Variants in RBMS3 observed in about 807,000 individuals in gnomAD.
RBMS3 encodes RNA-binding motif, single-stranded-interacting protein 3.
In RBMS3, 27 loss-of-function variants were observed where a neutral mutation model predicts 66.8. The observed-to-expected ratio is 0.40, with a 90% CI of 0.30 to 0.56. The LOEUF (loss-of-function observed/expected upper bound fraction) is 0.56. RBMS3 is among the 20% of genes least tolerant of loss of function. RBMS3 has a pLI of 0.40. For missense variants in RBMS3, 513 were observed against 549.5 expected (o/e 0.93, Z 0.66); for synonymous variants, 188 against 183.0 (o/e 1.03, Z -0.22).
At chr3:29,422,657 AT>A (rs536430871) in intron 1 of RBMS3, among the ~76,000 whole-genome samples, 5 of 152,158 alleles carry the variant, frequency 3.3e-5, no homozygotes, top group Admixed American at 1.3e-4. Context: ...ATCATGAGGT[AT>A]TTTTTTCTTA....
intron 1 of RBMS3, among the ~76,000 whole-genome samples, chr3:29,310,759 T>C (rs903383813): frequency 4.0e-5 from 6 of 151,668 alleles, no homozygotes; most frequent in Non-Finnish European, 8.9e-5. Context: ...TTGGGGTAAA[T>C]TGATGTGATG....
At chr3:29,439,005 G>A (rs921977370) in intron 2 of RBMS3, among the ~76,000 whole-genome samples, 1 of 152,130 alleles carries the variant, frequency 6.6e-6, no homozygotes, top group African/African-American at 2.4e-5. Context: ...AGATTAGAAG[G>A]ATAAATAGAT....
At chr3:29,735,811 T>A (rs757230965) in intron 4 of RBMS3, among the ~76,000 whole-genome samples, 7 of 152,206 alleles carry the variant, frequency 4.6e-5, no homozygotes. Flanking sequence ...TTCTAGCCTG[T>A]TCCTCTAGCT....
intron 1 of RBMS3, among the ~76,000 whole-genome samples, chr3:29,366,261 T>A (rs1196121558): frequency 6.6e-6 from 1 of 152,232 alleles, no homozygotes; most frequent in Non-Finnish European, 1.5e-5. Flanking sequence ...TAAGTGATAG[T>A]TGTATTATCA....
At chr3:29,990,185 A>G (rs578238721) in intron 13 of RBMS3, among the ~76,000 whole-genome samples, 97 of 147,396 alleles carry the variant, frequency 6.6e-4, no homozygotes, top group Non-Finnish European at 1.3e-3. Flanking sequence ...CAAATAGTAA[A>G]TTAGGAAAGA....
chr3:29,865,210 T>C (rs1326802352), intron 6 of RBMS3, among the ~76,000 whole-genome samples: 1 of 152,028 alleles, frequency 6.6e-6, no homozygotes, highest in African/African-American at 2.4e-5. Flanking sequence ...CCTTAACAAT[T>C]AAGTGCCCCC....
At chr3:29,737,447 T>C (rs993695552) in intron 4 of RBMS3, among the ~76,000 whole-genome samples, 7 of 152,174 alleles carry the variant, frequency 4.6e-5, no homozygotes, top group Admixed American at 4.6e-4. Context: ...AGCTGGAAGA[T>C]AGGAAAATTA....
intron 3 of RBMS3, among the ~76,000 whole-genome samples, chr3:29,565,808 T>C (rs578251464): frequency 3.3e-5 from 5 of 152,228 alleles, no homozygotes; most frequent in Admixed American, 6.5e-5. Flanking sequence ...ATGTCCAACA[T>C]CTTCCAGGTC....
At chr3:29,952,570 T>C (rs1695754958) in intron 12 of RBMS3, among the ~76,000 whole-genome samples, 1 of 151,860 alleles carries the variant, frequency 6.6e-6, no homozygotes, top group Non-Finnish European at 1.5e-5. Context: ...AGACTACTAC[T>C]ATATACACAT....
intron 4 of RBMS3, among the ~76,000 whole-genome samples, chr3:29,718,259 C>T (rs1370462871): frequency 1.3e-5 from 2 of 151,976 alleles, no homozygotes; most frequent in Non-Finnish European, 2.9e-5. Context: ...GTTCTTTCTC[C>T]ATACATTCAA....
chr3:29,966,545 T>C (rs958700553), intron 12 of RBMS3, among the ~76,000 whole-genome samples: 9 of 152,226 alleles, frequency 5.9e-5, no homozygotes, highest in Non-Finnish European at 1.3e-4. Flanking sequence ...ACATTAACCT[T>C]GTATCCAGAA....
chr3:29,509,983 C>CA (rs1017040577), intron 3 of RBMS3, among the ~76,000 whole-genome samples: 4 of 151,936 alleles, frequency 2.6e-5, no homozygotes, highest in Non-Finnish European at 5.9e-5. Flanking sequence ...GGTTATAGCA[C>CA]AAAAAAATGA....
At chr3:29,515,590 A>G (rs2044590249) in intron 3 of RBMS3, among the ~76,000 whole-genome samples, 1 of 152,212 alleles carries the variant, frequency 6.6e-6, no homozygotes, top group Non-Finnish European at 1.5e-5. Context: ...TGTGCTAATA[A>G]TAGAAAGAAT....
intron 1 of RBMS3, among the ~76,000 whole-genome samples, chr3:29,344,705 T>C (rs2036473866): frequency 6.6e-6 from 1 of 152,174 alleles, no homozygotes; most frequent in Non-Finnish European, 1.5e-5. Flanking sequence ...AGGCAAGGGA[T>C]TGAGGTAGTC....
At chr3:29,389,730 C>T (rs1048873377) in intron 1 of RBMS3, among the ~76,000 whole-genome samples, 3 of 152,174 alleles carry the variant, frequency 2.0e-5, no homozygotes, top group African/African-American at 7.2e-5. Flanking sequence ...AAAACAATAG[C>T]AATAATCCCC....
intron 1 of RBMS3, among the ~76,000 whole-genome samples, chr3:29,414,274 T>C (rs2040389132): frequency 6.6e-6 from 1 of 152,160 alleles, no homozygotes; most frequent in African/African-American, 2.4e-5. Context: ...TACAAAACAT[T>C]TATTGGAAAA....
At chr3:29,382,780 G>T (rs2038824597) in intron 1 of RBMS3, among the ~76,000 whole-genome samples, 1 of 152,110 alleles carries the variant, frequency 6.6e-6, no homozygotes, top group Non-Finnish European at 1.5e-5. Flanking sequence ...AACTAACAAA[G>T]TTGTTCTTTA....
At position 29,296,786 on chromosome 3, in the gene RBMS3, A is replaced by G. The variant is rs188243792; in HGVS notation, c.75+15030A>G. On this transcript the variant is annotated intron_variant, in intron 1 of 14. Coordinates refer to ENST00000383767, the MANE Select transcript of RBMS3 (RefSeq NM_001003793.3). ...CTCTTTACATAGTCATATTTCACAGAACTTAATCACATCTTTCCAAGTTTG... is the reference window on the plus strand; with the variant it reads ...CTCTTTACATAGTCATATTTCACAGGACTTAATCACATCTTTCCAAGTTTG... 3.1e-3 allele frequency among the ~76,000 whole-genome samples: 477 copies of G among 151,774 alleles called. 2 individuals are homozygous for G. The highest frequency in any genetic ancestry group is 0.011 in the African/African-American group (446 of 41,462).
intron 6 of RBMS3, among the ~76,000 whole-genome samples, chr3:29,771,692 G>T (rs1158941739): frequency 3.9e-5 from 6 of 152,098 alleles, no homozygotes; most frequent in Non-Finnish European, 5.9e-5. Flanking sequence ...GAGAAGTTTA[G>T]TTGGCTCCTG....
Sources: allele counts gnomAD v4.1 joint callset (sites outside exome capture counted in the v4.1 genomes callset), GRCh38; gene constraint gnomAD v4.1.1; transcripts MANE v1.5; gene names NCBI Gene and HGNC (gene_info 2026-07-23, HGNC 2026-07-21).